The following HS3ST1 variants were observed in gnomAD, a reference collection of about 807,000 sequenced individuals.
The protein encoded by HS3ST1 is heparan sulfate-glucosamine 3-sulfotransferase 1, also known as heparan sulfate glucosamine 3-O-sulfotransferase 1.
Under a neutral mutation model 20.7 loss-of-function variants are expected in HS3ST1, and 8 were observed. The ratio of observed to expected loss-of-function variants is 0.39; its 90% CI spans 0.23 to 0.70. The LOEUF is 0.70. Among genes scored for constraint, HS3ST1 ranks in the 30% least tolerant of loss-of-function variants. The pLI is 0.46. For missense variants in HS3ST1, 436 were observed against 423.4 expected, an observed-to-expected ratio of 1.03 and a Z score of -0.26; for synonymous variants, 205 against 190.4, an observed-to-expected ratio of 1.08 and a Z score of -0.63.
Position 11,399,047 on chromosome 4 carries a change from C to G in HS3ST1, c.*35G>C. On this transcript the variant is annotated 3_prime_UTR_variant, in exon 2 of 2. Coordinates refer to ENST00000002596, the MANE Select transcript of HS3ST1 (RefSeq NM_005114.4). This position sits in a 1 kb window ranked among gnomAD's most constrained non-coding sequence, Gnocchi z 5.1. ...CCCCTCAGATGTACACCAGAACTTA[C>G]AGTAGGAAAGTTTCTGAGCTTAGCT... is the stretch of plus-strand genomic sequence containing the variant. The G allele has an allele frequency of 6.4e-7, 1 of 1,558,960 alleles. No homozygotes were observed. Among genetic ancestry groups the G allele is most frequent in the Non-Finnish European group, 8.7e-7 (1 of 1,144,966 alleles).
chr4:11,420,360 A>G (rs1230104140), intron 1 of HS3ST1, among the ~76,000 whole-genome samples: 1 of 152,232 alleles, frequency 6.6e-6, no homozygotes, highest in Non-Finnish European at 1.5e-5. Flanking sequence ...CTCAGACTCA[A>G]TTTATAATCT....
rs1327857497 is a variant in HS3ST1 at position 11,395,976 on chromosome 4, G to T, written c.*3106C>A. The T allele has an allele frequency of 6.6e-6, 1 of 152,140 alleles. No individual in the cohort carries two copies. The highest frequency in any genetic ancestry group is 1.5e-5 in the Non-Finnish European group (1 of 68,034). The allele number at this position is 152,140 out of a possible 1,614,324, so 9.4% of individuals were successfully genotyped here. A position where few individuals can be genotyped will look rare whatever the true frequency, so the allele number is the denominator to read the frequency against. On this transcript the variant is annotated 3_prime_UTR_variant, in exon 2 of 2. Coordinates refer to ENST00000002596, the MANE Select transcript of HS3ST1 (RefSeq NM_005114.4). ...CAGAACAAACAGTTAATGACTACTGGTTCCTGTTGTATTTTCTTTTTATAT... is the reference window on the plus strand; with the variant it reads ...CAGAACAAACAGTTAATGACTACTGTTTCCTGTTGTATTTTCTTTTTATAT...
chr4:11,403,040 GAA>G (rs1718368596), intron 1 of HS3ST1, among the ~76,000 whole-genome samples: 5 of 152,038 alleles, frequency 3.3e-5, no homozygotes, highest in Admixed American at 2.0e-4. Flanking sequence ...GGCTAATAGA[GAA>G]AGAAATTAGC....
intron 1 of HS3ST1, among the ~76,000 whole-genome samples, chr4:11,403,103 C>A (rs1458184306): frequency 1.3e-5 from 2 of 152,196 alleles, no homozygotes. Flanking sequence ...TATACATACA[C>A]ACATACTATA....
In HS3ST1 at chr4:11,399,922, C is replaced by A; in HGVS notation, c.84G>T (p.Gln28His). The A allele has an allele frequency of 6.2e-7, 1 of 1,601,382 alleles. No homozygotes were observed. Among genetic ancestry groups the A allele is most frequent in the Non-Finnish European group, 8.5e-7 (1 of 1,176,192 alleles). ...VPSRPAELGQ[Q>H]ELLRKAGTLQ... ...GGGTCCCCGCTTTCCGCAGAAGCTC[C>A]TGCTGGCCTAGCTCGGCGGGGCGGG... The change falls in exon 2 of 2, where the codon CAG becomes CAT. Residue 28 changes from glutamine (Q) to histidine (H), a missense_variant. Gln to His is a conservative substitution (Grantham distance 24). Coordinates refer to ENST00000002596, the MANE Select transcript of HS3ST1 (RefSeq NM_005114.4). This position sits in a 1 kb window ranked among gnomAD's most constrained non-coding sequence, Gnocchi z 5.1.
rs1447545417 is a variant in HS3ST1 at position 11,398,440 on chromosome 4, A to G, written c.*642T>C. ...TGTGCAAATATTCTTTGAGGTCAAG[A>G]TGGATCCCAAGAGACCTCTAGCCAG... is the stretch of plus-strand genomic sequence containing the variant. On this transcript the variant is annotated 3_prime_UTR_variant, in exon 2 of 2. Transcript: ENST00000002596. 3 of 152,262 alleles carry G rather than the reference A, an allele frequency of 2.0e-5. No homozygotes were observed. Among genetic ancestry groups the G allele is most frequent in the African/African-American group, 4.8e-5 (2 of 41,446 alleles). The allele number at this position is 152,262 out of a possible 1,614,324, so 9.4% of individuals were successfully genotyped here.
chr4:11,427,022 G>GA (rs994526417), intron 1 of HS3ST1, among the ~76,000 whole-genome samples: 8 of 151,888 alleles, frequency 5.3e-5, no homozygotes, highest in Non-Finnish European at 1.0e-4. Flanking sequence ...CAGAAAGCAA[G>GA]AAAAAAATCC....
intron 1 of HS3ST1, among the ~76,000 whole-genome samples, chr4:11,418,137 T>C (rs1389924516): frequency 1.3e-5 from 2 of 152,186 alleles, no homozygotes; most frequent in Non-Finnish European, 2.9e-5. Flanking sequence ...CCTCCTACTT[T>C]AGAGCAGAGT....
At chr4:11,418,042 G>C (rs113505262) in intron 1 of HS3ST1, among the ~76,000 whole-genome samples, 2 of 152,258 alleles carry the variant, frequency 1.3e-5, no homozygotes, top group Non-Finnish European at 2.9e-5. Context: ...GGACACAAGG[G>C]GAAAATATTC....
In HS3ST1 at chr4:11,395,477, T is replaced by G. The variant is rs1202772308; in HGVS notation, c.*3605A>C. The G allele has an allele frequency of 8.7e-6, 1 of 114,886 alleles. No individual in the cohort carries two copies. Among genetic ancestry groups the G allele is most frequent in the East Asian group, 2.1e-4 (1 of 4,828 alleles). 7.1% of individuals were successfully genotyped at this position (114,886 alleles called of 1,614,324 possible). ...ATTTTTTTATTATTAATTTATCTTT[T>G]TTTTTTTTTTTTTTTTTTGAGATGG... is the stretch of plus-strand genomic sequence containing the variant. On this transcript the variant is annotated 3_prime_UTR_variant, in exon 2 of 2. Transcript: ENST00000002596.
At chr4:11,431,248 A>C (rs1045957861), upstream of HS3ST1, among the ~76,000 whole-genome samples, 2 of 152,016 alleles carry the variant, frequency 1.3e-5, no homozygotes, top group Non-Finnish European at 2.9e-5. Flanking sequence ...AAAAAAAAAA[A>C]AACTTTGTAA....
chr4:11,404,761 C>T (rs530433125), intron 1 of HS3ST1, among the ~76,000 whole-genome samples: 5 of 152,320 alleles, frequency 3.3e-5, no homozygotes, highest in African/African-American at 9.6e-5. Flanking sequence ...TTCTCTATAG[C>T]ACCTGGAGCT....
chr4:11,400,983 A>G lies in HS3ST1; in HGVS notation c.-108-870T>C, dbSNP rs148748201. Among the ~76,000 whole-genome samples, 680 of 152,342 alleles carry G rather than the reference A, an allele frequency of 4.5e-3. 7 individuals are homozygous for G. Among genetic ancestry groups the G allele is most frequent in the African/African-American group, 0.016 (653 of 41,578 alleles). ...CATCCCAGCTCATGAGTGAAGATGC[A>G]TGATTGTGGTTTTAAGCCCCTGAGT... On this transcript the variant is annotated intron_variant, in intron 1 of 1. Transcript: ENST00000002596.
rs760105697 is a variant in HS3ST1 at position 11,399,407 on chromosome 4, A to G, written c.599T>C (p.Met200Thr). Residue 200 changes from methionine to threonine, a missense_variant, in exon 2 of 2, where the codon ATG (methionine) becomes ACG (threonine). Coordinates refer to ENST00000002596, the MANE Select transcript of HS3ST1 (RefSeq NM_005114.4). This position sits in a 1 kb window ranked among gnomAD's most constrained non-coding sequence, Gnocchi z 5.1. ...CGGGAAAAAGCGCAGCCAGTTCTGCATGTGCACGTGGTAGAGGCTGCGGTT... is the reference window on the plus strand; with the variant it reads ...CGGGAAAAAGCGCAGCCAGTTCTGCGTGTGCACGTGGTAGAGGCTGCGGTT... ...ALNRSLYHVH[M>T]QNWLRFFPLR... 1 of 1,614,004 alleles carries G rather than the reference A, an allele frequency of 6.2e-7. No homozygotes were observed. The highest frequency in any genetic ancestry group is 8.5e-7 in the Non-Finnish European group (1 of 1,179,992).
At chr4:11,416,317 G>C (rs1357792897) in intron 1 of HS3ST1, among the ~76,000 whole-genome samples, 2 of 152,102 alleles carry the variant, frequency 1.3e-5, no homozygotes, top group Non-Finnish European at 2.9e-5. Context: ...ATTTCACTCA[G>C]GGATCAAGGA....
intron 1 of HS3ST1, among the ~76,000 whole-genome samples, chr4:11,408,103 G>A (rs1718518845): frequency 6.6e-6 from 1 of 152,182 alleles, no homozygotes; most frequent in Non-Finnish European, 1.5e-5. Context: ...GGAGGCGGGA[G>A]ATGGAGGAAA....
At chr4:11,425,560 C>G (rs966990634) in intron 1 of HS3ST1, among the ~76,000 whole-genome samples, 4 of 152,262 alleles carry the variant, frequency 2.6e-5, no homozygotes, top group Non-Finnish European at 5.9e-5. Flanking sequence ...CAAGAAGAGA[C>G]TGGCCAATTA....
chr4:11,418,978 C>T (rs1044917686), intron 1 of HS3ST1, among the ~76,000 whole-genome samples: 1 of 152,070 alleles, frequency 6.6e-6, no homozygotes, highest in Non-Finnish European at 1.5e-5. Context: ...TCTGCTGAGG[C>T]AGGGAGAGGG....
intron 1 of HS3ST1, among the ~76,000 whole-genome samples, chr4:11,410,464 A>G (rs1718590597): frequency 6.6e-6 from 1 of 152,210 alleles, no homozygotes; most frequent in Non-Finnish European, 1.5e-5. Flanking sequence ...AAAAAGCCAA[A>G]TGGGGTACAA....
Sources: allele counts gnomAD v4.1 joint callset (sites outside exome capture counted in the v4.1 genomes callset), GRCh38; gene constraint gnomAD v4.1.1; non-coding constraint Gnocchi (gnomAD v3.1); transcripts MANE v1.5; gene names NCBI Gene and HGNC (gene_info 2026-07-23, HGNC 2026-07-21).